The following CRADD variants were observed in gnomAD, a reference collection of about 807,000 sequenced individuals.
CRADD encodes CARD and death domain containing adaptor protein.
In CRADD, 9 loss-of-function variants were observed where a neutral mutation model predicts 15.5. The ratio of observed to expected loss-of-function variants is 0.58; its 90% CI spans 0.35 to 1.01. The LOEUF (loss-of-function observed/expected upper bound fraction) is 1.01, where lower values mean the gene tolerates loss of function less well. Among genes scored for constraint, CRADD ranks in the 50% least tolerant of loss-of-function variants. The probability of loss-of-function intolerance (pLI) is 0.02; values close to 1 mark genes in which losing one functional copy is unlikely to be tolerated. For synonymous variants in CRADD, 118 were observed against 107.6 expected, an observed-to-expected ratio of 1.10 and a Z score of -0.60; for missense variants, 227 against 250.3, an observed-to-expected ratio of 0.91 and a Z score of 0.63.
intron 2 of CRADD, among the ~76,000 whole-genome samples, chr12:93,779,248 C>T (rs1957172950): frequency 6.6e-6 from 1 of 152,032 alleles, no homozygotes; most frequent in Non-Finnish European, 1.5e-5. Flanking sequence ...ATTGAGGAGG[C>T]AATGAGATGG....
chr12:93,823,147 C>A (rs1957786258), intron 2 of CRADD, among the ~76,000 whole-genome samples: 1 of 152,054 alleles, frequency 6.6e-6, no homozygotes, highest in Non-Finnish European at 1.5e-5. Context: ...ACAAAATTAG[C>A]CTGGCGTGGT....
chr12:93,842,391 A>G (rs1958059440), intron 2 of CRADD, among the ~76,000 whole-genome samples: 1 of 152,184 alleles, frequency 6.6e-6, no homozygotes, highest in Non-Finnish European at 1.5e-5. Context: ...GAACAGATGA[A>G]GTCAAACAGA....
At chr12:93,841,997 TA>T (rs917893690) in intron 2 of CRADD, among the ~76,000 whole-genome samples, 12 of 151,600 alleles carry the variant, frequency 7.9e-5, no homozygotes, top group Non-Finnish European at 1.5e-4. Context: ...CCGTCGTAAA[TA>T]AAAAAAAATA....
At chr12:93,775,544 C>T (rs1382477734) in intron 2 of CRADD, among the ~76,000 whole-genome samples, 6 of 150,800 alleles carry the variant, frequency 4.0e-5, no homozygotes, top group African/African-American at 1.2e-4. Flanking sequence ...GCACGGGTTA[C>T]TCTATAGTCT....
intron 2 of CRADD, among the ~76,000 whole-genome samples, chr12:93,684,605 A>G (rs1955391875): frequency 6.6e-6 from 1 of 152,178 alleles, no homozygotes; most frequent in Non-Finnish European, 1.5e-5. Context: ...ATGGAGTTCA[A>G]TGTATTCTAG....
At chr12:93,710,990 T>C (rs867877980) in intron 2 of CRADD, among the ~76,000 whole-genome samples, 29 of 152,064 alleles carry the variant, frequency 1.9e-4, no homozygotes, top group African/African-American at 7.0e-4. Context: ...TTGGGCTTTA[T>C]TGAGCCACAG....
At chr12:93,725,766 G>C (rs527639282) in intron 2 of CRADD, among the ~76,000 whole-genome samples, 7 of 152,304 alleles carry the variant, frequency 4.6e-5, no homozygotes, top group African/African-American at 1.4e-4. Context: ...TTAGCATGTA[G>C]AGAATTTGAA....
intron 2 of CRADD, among the ~76,000 whole-genome samples, chr12:93,679,729 A>G (rs970995685): frequency 4.6e-5 from 7 of 152,182 alleles, no homozygotes; most frequent in African/African-American, 1.2e-4. Flanking sequence ...ATCAGGAGCC[A>G]TTTGGAAAGT....
intron 2 of CRADD, among the ~76,000 whole-genome samples, chr12:93,682,741 A>T (rs1165275166): frequency 1.3e-5 from 2 of 152,180 alleles, no homozygotes; most frequent in African/African-American, 4.8e-5. Flanking sequence ...ATCTCAAAAC[A>T]TACAAAAACA....
chr12:93,806,365 T>A (rs1188422562), intron 2 of CRADD, among the ~76,000 whole-genome samples: 5 of 140,616 alleles, frequency 3.6e-5, no homozygotes, highest in Non-Finnish European at 7.5e-5. Context: ...GGCAGGAGAA[T>A]CACTTGAACC....
intron 2 of CRADD, among the ~76,000 whole-genome samples, chr12:93,774,794 A>G (rs1047829297): frequency 3.3e-5 from 5 of 152,222 alleles, no homozygotes; most frequent in Non-Finnish European, 7.3e-5. Context: ...GGTGATATGG[A>G]TGCAATGATG....
chr12:93,811,928 C>T (rs1957631054), intron 2 of CRADD, among the ~76,000 whole-genome samples: 1 of 152,142 alleles, frequency 6.6e-6, no homozygotes, highest in South Asian at 2.1e-4. Flanking sequence ...TGTGGTATGT[C>T]CATCTGTATC....
chr12:93,682,576 G>A (rs1017435709), intron 2 of CRADD, among the ~76,000 whole-genome samples: 4 of 151,964 alleles, frequency 2.6e-5, no homozygotes, highest in Non-Finnish European at 2.9e-5. Context: ...TTTAATTTTC[G>A]TTGTTTCACT....
At chr12:93,816,682 T>TG (rs541469791) in intron 2 of CRADD, among the ~76,000 whole-genome samples, 122 of 152,310 alleles carry the variant, frequency 8.0e-4, no homozygotes, top group African/African-American at 2.9e-3. Flanking sequence ...TATTGGGTAG[T>TG]GCGGCTCTAG....
intron 2 of CRADD, among the ~76,000 whole-genome samples, chr12:93,867,149 A>G (rs1195320871): frequency 6.6e-6 from 1 of 151,916 alleles, no homozygotes; most frequent in Non-Finnish European, 1.5e-5. Context: ...TTGTGGTTCT[A>G]TTTTAGAAAA....
At chr12:93,891,736 C>T (rs1958577180) in intron 2 of CRADD, among the ~76,000 whole-genome samples, 1 of 152,128 alleles carries the variant, frequency 6.6e-6, no homozygotes, top group Non-Finnish European at 1.5e-5. Flanking sequence ...GGAGAACAGG[C>T]TGAGGTTCAG....
At chr12:93,830,988 T>C (rs994262407) in intron 2 of CRADD, 1 of 152,250 alleles carries the variant, frequency 6.6e-6, no homozygotes, top group African/African-American at 2.4e-5. Flanking sequence ...CAGGGTGCCA[T>C]TGTATTTTAT....
At chr12:93,817,630 ACTC>A (rs910820957) in intron 2 of CRADD, among the ~76,000 whole-genome samples, 9 of 146,544 alleles carry the variant, frequency 6.1e-5, no homozygotes, top group African/African-American at 2.0e-4. Context: ...TTCTTCCCCT[ACTC>A]CTCAACCACA....
intron 2 of CRADD, among the ~76,000 whole-genome samples, chr12:93,886,161 G>T (rs1958535459): frequency 9.7e-6 from 1 of 102,952 alleles, no homozygotes; most frequent in Non-Finnish European, 2.0e-5. Flanking sequence ...AGCTGCTGAT[G>T]CTTTTTTTTT....
Sources: allele counts gnomAD v4.1 joint callset (sites outside exome capture counted in the v4.1 genomes callset), GRCh38; gene constraint gnomAD v4.1.1; transcripts MANE v1.5; gene names NCBI Gene and HGNC (gene_info 2026-07-23, HGNC 2026-07-21).